The following NFIB variants were observed in gnomAD, a reference collection of about 807,000 sequenced individuals.
NFIB encodes the protein nuclear factor I B, also known as nuclear factor 1 B-type.
NFIB carries 11 observed loss-of-function variants against 61.5 expected under a neutral mutation model. The ratio of observed to expected loss-of-function variants is 0.18; its 90% confidence interval spans 0.11 to 0.30. NFIB has a LOEUF of 0.30. Ranked by LOEUF, NFIB falls within the 10% of genes least tolerant of loss-of-function variation. The pLI is 1.00. For missense variants in NFIB, 471 were observed against 608.9 expected (o/e 0.77, Z 2.38); for synonymous variants, 260 against 216.5 (o/e 1.20, Z -1.76).
At chr9:14,124,842 G>A (rs1011950885) in intron 7 of NFIB, among the ~76,000 whole-genome samples, 15 of 152,208 alleles carry the variant, frequency 9.9e-5, no homozygotes, top group Non-Finnish European at 1.3e-4. Context: ...AAGGATTTGG[G>A]CATATAAAAC....
In NFIB at chr9:14,299,252, A is replaced by T. The variant is rs533974302; in HGVS notation, c.562+7737T>A. Among the ~76,000 whole-genome samples, 322 of 152,182 alleles carry T rather than the reference A, an allele frequency of 2.1e-3. 1 individual carries two copies. Among genetic ancestry groups the T allele is most frequent in the African/African-American group, 6.8e-3 (283 of 41,512 alleles). ...TTAGCACCAATACATTTATCCATGTATTTTTTTCAAAATGAGTATGAAAAA... is the reference window on the plus strand; with the variant it reads ...TTAGCACCAATACATTTATCCATGTTTTTTTTTCAAAATGAGTATGAAAAA... On this transcript the variant is annotated intron_variant, in intron 2 of 10. Coordinates refer to ENST00000380953, the MANE Select transcript of NFIB (RefSeq NM_001190737.2).
At chr9:14,517,441 T>C in the NFIB span, among the ~76,000 whole-genome samples, 5 of 152,236 alleles carry the variant, frequency 3.3e-5, no homozygotes, top group Non-Finnish European at 7.4e-5. Flanking sequence ...ATAAGGATTA[T>C]GTAGGTAACA....
intron 2 of NFIB, among the ~76,000 whole-genome samples, chr9:14,304,100 T>C (rs900850354): frequency 3.9e-5 from 6 of 152,222 alleles, no homozygotes; most frequent in Non-Finnish European, 8.8e-5. Flanking sequence ...TAATGAACTA[T>C]ATATCAAAAA....
At chr9:14,421,228 A>G in the NFIB span, among the ~76,000 whole-genome samples, 1 of 152,136 alleles carries the variant, frequency 6.6e-6, no homozygotes, top group Admixed American at 6.5e-5. Flanking sequence ...ATTAAATGAG[A>G]TAAATAACAA....
chr9:14,237,651 C>T (rs1563932263), intron 2 of NFIB, among the ~76,000 whole-genome samples: 1 of 152,072 alleles, frequency 6.6e-6, no homozygotes, highest in Non-Finnish European at 1.5e-5. Flanking sequence ...TAAATAACTC[C>T]CAAATAGCCC....
chr9:14,119,142 A>G (rs2038586608), intron 8 of NFIB, among the ~76,000 whole-genome samples: 1 of 152,090 alleles, frequency 6.6e-6, no homozygotes. Context: ...CCTTGTGTGC[A>G]CTGTTCCCAG....
chr9:14,223,675 A>G (rs2131854356), intron 2 of NFIB, among the ~76,000 whole-genome samples: 1 of 152,340 alleles, frequency 6.6e-6, no homozygotes, highest in East Asian at 1.9e-4. Context: ...AGAAGAGGGG[A>G]AGATGTGTTA....
intron 2 of NFIB, among the ~76,000 whole-genome samples, chr9:14,303,860 C>T (rs149755391): frequency 2.3e-3 from 348 of 152,232 alleles, no homozygotes; most frequent in South Asian, 8.9e-3. Context: ...CATCAAATGA[C>T]TTTATGGATT....
At chr9:14,207,664 T>C (rs761943741) in intron 2 of NFIB, among the ~76,000 whole-genome samples, 2 of 151,744 alleles carry the variant, frequency 1.3e-5, no homozygotes, top group Non-Finnish European at 2.9e-5. Flanking sequence ...GTCCTGAAGC[T>C]TCACCACAGG....
At chr9:14,265,314 G>A (rs2057105338) in intron 2 of NFIB, among the ~76,000 whole-genome samples, 2 of 152,132 alleles carry the variant, frequency 1.3e-5, no homozygotes, top group African/African-American at 4.8e-5. Context: ...CCCAATGTAG[G>A]CAGAACAGGG....
intron 1 of NFIB, among the ~76,000 whole-genome samples, chr9:14,397,158 A>C (rs2061695391): frequency 6.6e-6 from 1 of 152,208 alleles, no homozygotes; most frequent in South Asian, 2.1e-4. Flanking sequence ...TAGATGGGCA[A>C]TAGTGGAAAT....
intron 6 of NFIB, among the ~76,000 whole-genome samples, chr9:14,133,678 G>C (rs2130966484): frequency 6.6e-6 from 1 of 152,286 alleles, no homozygotes; most frequent in South Asian, 2.1e-4. Flanking sequence ...GGGATAAACA[G>C]TGTTGAAGAG....
intron 2 of NFIB, among the ~76,000 whole-genome samples, chr9:14,197,545 C>G (rs967956214): frequency 6.6e-6 from 1 of 152,216 alleles, no homozygotes; most frequent in Non-Finnish European, 1.5e-5. Context: ...ATACCCATAA[C>G]CACATTTCCT....
chr9:14,459,002 A>T, the NFIB span, among the ~76,000 whole-genome samples: 1 of 152,190 alleles, frequency 6.6e-6, no homozygotes, highest in Non-Finnish European at 1.5e-5. Context: ...TCTTCACAGA[A>T]TTGGAAAAAA....
chr9:14,161,698 A>G (rs2131277938), intron 3 of NFIB, among the ~76,000 whole-genome samples: 1 of 152,180 alleles, frequency 6.6e-6, no homozygotes, highest in East Asian at 1.9e-4. Context: ...TTATTTCCCA[A>G]TTTTTAAAAT....
chr9:14,349,256 G>A (rs2061075408), intron 1 of NFIB, among the ~76,000 whole-genome samples: 1 of 152,196 alleles, frequency 6.6e-6, no homozygotes, highest in African/African-American at 2.4e-5. Flanking sequence ...GAACCTGTGG[G>A]AAGGACAGTT....
chr9:14,527,318 A>G, the NFIB span, among the ~76,000 whole-genome samples: 15 of 152,214 alleles, frequency 9.9e-5, no homozygotes, highest in Non-Finnish European at 1.5e-5. Context: ...TTTTACTCAG[A>G]AACTAGTATT....
chr9:14,427,372 G>A, the NFIB span, among the ~76,000 whole-genome samples: 3 of 152,138 alleles, frequency 2.0e-5, no homozygotes, highest in Non-Finnish European at 4.4e-5. Flanking sequence ...TTCAGTCCAC[G>A]TGACAACCCT....
chr9:14,207,911 C>T (rs1484641550), intron 2 of NFIB, among the ~76,000 whole-genome samples: 1 of 152,078 alleles, frequency 6.6e-6, no homozygotes, highest in Non-Finnish European at 1.5e-5. Context: ...AAATGAGACT[C>T]AAGGAAAGAG....
Sources: gnomAD v4.1 joint callset for allele counts (sites outside exome capture counted in the v4.1 genomes callset) on GRCh38, gnomAD v4.1.1 for gene constraint, MANE v1.5 for transcripts, NCBI Gene and HGNC (gene_info 2026-07-23, HGNC 2026-07-21) for gene names.